Variants in WTAP observed in about 807,000 individuals in gnomAD.
WTAP encodes pre-mRNA-splicing regulator WTAP.
Under a neutral mutation model 50.0 loss-of-function variants are expected in WTAP, and 8 were observed. That is an observed-to-expected ratio of 0.16 (90% CI 0.09 to 0.29). The LOEUF is 0.29. WTAP is among the 10% of genes least tolerant of loss of function. WTAP has a pLI of 1.00. For synonymous variants in WTAP, 194 were observed against 169.0 expected (o/e 1.15, Z -1.15); for missense variants, 295 against 470.7 (o/e 0.63, Z 3.45).
chr6:159,741,960 T>A lies in WTAP; in HGVS notation c.87-128T>A, dbSNP rs114761903. Reference sequence around the variant, plus strand: ...GAGCGAGACTCTGTCTAAAAAAAACTAGATTTAAAATGAAAAATCCAGAAG... The same window carrying A: ...GAGCGAGACTCTGTCTAAAAAAAACAAGATTTAAAATGAAAAATCCAGAAG... On this transcript the variant is annotated intron_variant, in intron 3 of 7. Transcript: ENST00000621533. 3.5e-3 allele frequency: 2,516 copies of A among 721,486 alleles called. 9 individuals carry two copies. The highest frequency in any genetic ancestry group is 4.2e-3 in the Non-Finnish European group (1,816 of 437,094). 44.7% of individuals were successfully genotyped at this position (721,486 alleles called of 1,614,324 possible). A position where few individuals can be genotyped will look rare whatever the true frequency, so the allele number is the denominator to read the frequency against.
In WTAP at chr6:159,743,645, A is replaced by T; in HGVS notation, c.146-20A>T. 1.3e-6 allele frequency: 2 copies of T among 1,556,888 alleles called. No homozygotes were observed. Among genetic ancestry groups the T allele is most frequent in the Non-Finnish European group, 1.7e-6 (2 of 1,151,952 alleles). On this transcript the variant is annotated intron_variant, in intron 4 of 7. Coordinates refer to ENST00000621533, the MANE Select transcript of WTAP (RefSeq NM_001270531.2). ...ACTTGATCTTAAAATTGTATTTATA[A>T]TTTTTTTTTGAATCATCAGCTAATG... is the stretch of plus-strand genomic sequence containing the variant.
chr6:159,745,416 A>C (rs1659199842), intron 5 of WTAP, among the ~76,000 whole-genome samples: 1 of 151,382 alleles, frequency 6.6e-6, no homozygotes, highest in African/African-American at 2.4e-5. Flanking sequence ...TTCAACTATA[A>C]TGGAACCTAA....
chr6:159,740,754 A>C (rs1779206919), intron 3 of WTAP, among the ~76,000 whole-genome samples: 1 of 149,350 alleles, frequency 6.7e-6, no homozygotes, highest in Non-Finnish European at 1.5e-5. Flanking sequence ...ACCAGGCTGG[A>C]ATGCAGTTGC....
At chr6:159,731,415 C>G (rs1397329886) in intron 1 of WTAP, among the ~76,000 whole-genome samples, 1 of 152,126 alleles carries the variant, frequency 6.6e-6, no homozygotes, top group African/African-American at 2.4e-5. Flanking sequence ...CTGCAGTGAG[C>G]TGTGATCGAG....
chr6:159,747,185 AATG>A (rs1779625390), intron 5 of WTAP, among the ~76,000 whole-genome samples: 1 of 152,228 alleles, frequency 6.6e-6, no homozygotes, highest in Non-Finnish European at 1.5e-5. Flanking sequence ...GTATGAAGAA[AATG>A]ATGAATTTAA....
At chr6:159,744,622 C>T (rs6908466) in intron 5 of WTAP, among the ~76,000 whole-genome samples, 6,544 of 152,298 alleles carry the variant, frequency 0.043, 230 homozygotes, top group African/African-American at 0.082. Flanking sequence ...CACAAAAGCA[C>T]GTATTTACTC....
At chr6:159,749,300 A>G (rs1346075788) in intron 6 of WTAP, 1 of 985,710 alleles carries the variant, frequency 1.0e-6, no homozygotes, top group East Asian at 1.1e-4. Context: ...TCCCCGTTCC[A>G]TTCAACAGGC....
At position 159,755,193 on chromosome 6, in the gene WTAP, A is replaced by T. The variant is rs1373174684; in HGVS notation, c.773A>T (p.Glu258Val). 1.2e-6 allele frequency: 2 copies of T among 1,614,182 alleles called. No homozygotes were observed. Among genetic ancestry groups the T allele is most frequent in the Non-Finnish European group, 1.7e-6 (2 of 1,180,006 alleles). ...APSTSRTTAS[E>V]PVEQSEATSK... The stretch of plus-strand genomic sequence containing the variant: ...AGTACCAGCAGGACTACAGCTTCTG[A>T]ACCTGTAGAACAGTCAGAGGCCACA... The change falls in exon 8 of 8, where the codon GAA (glutamate) becomes GTA (valine). Residue 258 changes from glutamate (E) to valine (V), a missense_variant. Physicochemically the swap from Glu to Val is moderately radical, Grantham distance 121. Transcript: ENST00000621533.
chr6:159,749,108 T>C (rs1426026828), intron 6 of WTAP: 5 of 986,350 alleles, frequency 5.1e-6, no homozygotes, highest in Non-Finnish European at 3.6e-6. Flanking sequence ...GTTTGTTCTT[T>C]GAATGGTTGC....
intron 1 of WTAP, among the ~76,000 whole-genome samples, chr6:159,733,523 G>T (rs1489575716): frequency 2.0e-5 from 3 of 152,102 alleles, no homozygotes; most frequent in Admixed American, 2.0e-4. Flanking sequence ...TCGGGAGGCT[G>T]AGGTGGGAGG....
upstream of WTAP, chr6:159,727,374 T>TGGCGGGAGGCGGGGGGCGGGAGGCGGGA (rs1778238245): frequency 9.8e-7 from 1 of 1,021,480 alleles, no homozygotes; most frequent in African/African-American, 2.1e-5. Context: ...GCGGGGAGGC[T>TGGCGGGAGGCGGGGGGCGGGAGGCGGGA]GGCGGGAGGC....
intron 3 of WTAP, among the ~76,000 whole-genome samples, chr6:159,739,576 AG>A (rs1376734364): frequency 6.6e-6 from 1 of 152,244 alleles, no homozygotes; most frequent in East Asian, 1.9e-4. Flanking sequence ...AGATTGTGTA[AG>A]AAATCAGGAA....
intron 1 of WTAP, among the ~76,000 whole-genome samples, chr6:159,727,955 G>C (rs1423793018): frequency 6.6e-6 from 1 of 152,242 alleles, no homozygotes; most frequent in East Asian, 1.9e-4. Context: ...CGGCCGGAGA[G>C]ACCGGCCACT....
upstream of WTAP, chr6:159,726,750 C>T (rs1778187078): frequency 7.8e-7 from 1 of 1,282,506 alleles, no homozygotes; most frequent in African/African-American, 1.5e-5. Flanking sequence ...CTCCTCGATG[C>T]GTCTCCAGAG....
Position 159,727,556 on chromosome 6 carries a change from C to T in WTAP, c.-156C>T, listed in dbSNP as rs867150630. On this transcript the variant is annotated 5_prime_UTR_variant, in exon 1 of 8. Transcript: ENST00000621533. ...CGAGACCCACAAATAAAGGGGAGCG[C>T]AGGGGTTGCGGCGGGACTAGGAGCG... The T allele has an allele frequency of 2.2e-5, 22 of 988,884 alleles. No individual in the cohort carries two copies. Among genetic ancestry groups the T allele is most frequent in the South Asian group, 1.3e-4 (3 of 22,240 alleles). 61.3% of individuals were successfully genotyped at this position (988,884 alleles called of 1,614,324 possible).
chr6:159,731,287 C>G (rs546962816), intron 1 of WTAP, among the ~76,000 whole-genome samples: 1 of 151,622 alleles, frequency 6.6e-6, no homozygotes, highest in Admixed American at 6.6e-5. Flanking sequence ...ATAGCAAGAC[C>G]TCATCTCTAC....
intron 7 of WTAP, 40 bp from the exon 8 acceptor site, chr6:159,754,988 A>G: frequency 6.5e-7 from 1 of 1,538,980 alleles, no homozygotes; most frequent in Non-Finnish European, 8.8e-7. Context: ...TTTCAATGTT[A>G]TAAACGATAT....
intron 7 of WTAP, 46 bp from the exon 8 acceptor site, chr6:159,754,982 A>T: frequency 6.7e-7 from 1 of 1,498,094 alleles, no homozygotes; most frequent in Non-Finnish European, 8.9e-7. Context: ...AACATTTTTC[A>T]ATGTTATAAA....
chr6:159,728,312 G>C (rs1007640541), intron 1 of WTAP, among the ~76,000 whole-genome samples: 4 of 152,060 alleles, frequency 2.6e-5, no homozygotes, highest in African/African-American at 9.7e-5. Context: ...ACACGTAATG[G>C]AAAAGCCCGA....
Sources: gnomAD v4.1 joint callset for allele counts (sites outside exome capture counted in the v4.1 genomes callset) on GRCh38, gnomAD v4.1.1 for gene constraint, MANE v1.5 for transcripts, NCBI Gene and HGNC (gene_info 2026-07-23, HGNC 2026-07-21) for gene names.